The following SLC22A23 variants were observed in gnomAD, a reference collection of about 807,000 sequenced individuals.
SLC22A23 encodes the protein solute carrier family 22 member 23.
In SLC22A23, 26 loss-of-function variants were observed where a neutral mutation model predicts 61.0. The observed-to-expected ratio is 0.43, with a 90% confidence interval of 0.31 to 0.59. SLC22A23 has a LOEUF of 0.59. SLC22A23 is among the 20% of genes least tolerant of loss of function. SLC22A23 has a pLI of 0.11. For missense variants in SLC22A23, 796 were observed against 934.7 expected (o/e 0.85, Z 1.94); for synonymous variants, 430 against 413.9 (o/e 1.04, Z -0.47).
intron 4 of SLC22A23, among the ~76,000 whole-genome samples, chr6:3,307,735 A>G (rs1581662997): frequency 6.6e-6 from 1 of 152,340 alleles, no homozygotes; most frequent in East Asian, 1.9e-4. Flanking sequence ...ACTGTCGGTG[A>G]GTTACAGTGG....
At chr6:3,384,089 A>G (rs1429034911) in intron 3 of SLC22A23, among the ~76,000 whole-genome samples, 1 of 152,234 alleles carries the variant, frequency 6.6e-6, no homozygotes, top group Non-Finnish European at 1.5e-5. Context: ...CCAAAATTGC[A>G]TGAGGTGCTT....
At position 3,286,161 on chromosome 6, in the gene SLC22A23, C is replaced by T. The variant is rs1026589329; in HGVS notation, c.1546+698G>A. ...TCACCCAGGCTGGAGTGCAGTGCTG[C>T]GATCTCAGCTTACTGCAACCTCTGC... On this transcript the variant is annotated intron_variant, in intron 7 of 9. Transcript: ENST00000406686. The surrounding 1 kb of genome is among the most constrained non-coding windows in gnomAD (Gnocchi z 4.2). 3.0e-4 allele frequency among the ~76,000 whole-genome samples: 45 copies of T among 150,960 alleles called. No individual in the cohort carries two copies. Among genetic ancestry groups the T allele is most frequent in the South Asian group, 1.5e-3 (7 of 4,792 alleles).
intron 3 of SLC22A23, among the ~76,000 whole-genome samples, chr6:3,391,892 G>T (rs12181018): frequency 1.7e-3 from 254 of 151,990 alleles, no homozygotes; most frequent in African/African-American, 6.0e-3. Flanking sequence ...TTCAGGCAGA[G>T]GGAAAGGTGA....
intron 1 of SLC22A23, among the ~76,000 whole-genome samples, chr6:3,439,686 CT>C (rs1771462736): frequency 6.6e-6 from 1 of 152,160 alleles, no homozygotes; most frequent in South Asian, 2.1e-4. Context: ...GAGCAAAACC[CT>C]TTCGCCACCT....
At chr6:3,307,672 A>T (rs1762080365) in intron 4 of SLC22A23, among the ~76,000 whole-genome samples, 1 of 152,230 alleles carries the variant, frequency 6.6e-6, no homozygotes, top group Non-Finnish European at 1.5e-5. Flanking sequence ...CATGCTGAGC[A>T]CCTGCTGGGA....
At chr6:3,274,335 T>TC in intron 9 of SLC22A23, among the ~76,000 whole-genome samples, 1 of 152,140 alleles carries the variant, frequency 6.6e-6, no homozygotes, top group East Asian at 1.9e-4. Flanking sequence ...GGCTGCCTGG[T>TC]CCCCAGTTCT....
rs932446189 is a variant in SLC22A23, at chr6:3,271,190, A to G, written c.*1865T>C. On this transcript the variant is annotated 3_prime_UTR_variant, in exon 10 of 10. Transcript: ENST00000406686. Reference sequence around the variant, plus strand: ...AAGGCCTTTGTAAAGGTGAATGCAAACTAATGTTGAAACATGGAAATGTGA... The same window carrying G: ...AAGGCCTTTGTAAAGGTGAATGCAAGCTAATGTTGAAACATGGAAATGTGA... The G allele has an allele frequency of 3.9e-5, 6 of 152,292 alleles. No individual in the cohort carries two copies. Among genetic ancestry groups the G allele is most frequent in the Non-Finnish European group, 5.9e-5 (4 of 68,048 alleles). The allele number at this position is 152,292 out of a possible 1,614,324, so 9.4% of individuals were successfully genotyped here.
At chr6:3,341,183 T>G (rs1030222509) in intron 3 of SLC22A23, among the ~76,000 whole-genome samples, 3 of 152,194 alleles carry the variant, frequency 2.0e-5, no homozygotes, top group African/African-American at 7.2e-5. Context: ...AGAAGCTGTT[T>G]TGAGATTCAT....
intron 3 of SLC22A23, among the ~76,000 whole-genome samples, chr6:3,391,960 GC>G (rs1417865226): frequency 8.8e-4 from 134 of 152,268 alleles, no homozygotes; most frequent in African/African-American, 3.1e-3. Context: ...TGGACACAGT[GC>G]AAGATCAAAG....
At position 3,445,037 on chromosome 6, in the gene SLC22A23, C is replaced by T. The variant is rs183669492; in HGVS notation, c.654+10869G>A. On this transcript the variant is annotated intron_variant, in intron 1 of 9. Transcript: ENST00000406686. The stretch of plus-strand genomic sequence containing the variant: ...TTGCCAGGTACGTGGGGGTGGGGCA[C>T]GCTTCCCAGTGTTCTGCGTCTGTCC... 2.3e-5 allele frequency: 22 copies of T among 946,058 alleles called. No homozygotes were observed. The East Asian group carries it at 9.3e-4, about 40-fold the overall frequency. 58.6% of individuals were successfully genotyped at this position (946,058 alleles called of 1,614,324 possible).
intron 1 of SLC22A23, among the ~76,000 whole-genome samples, chr6:3,422,945 C>T (rs139684085): frequency 1.3e-3 from 203 of 152,266 alleles, no homozygotes; most frequent in African/African-American, 4.4e-3. Flanking sequence ...AGAGCCACAC[C>T]GTTAAAGCTG....
chr6:3,270,554 C>T lies in SLC22A23; in HGVS notation c.*2501G>A, dbSNP rs918138320. On this transcript the variant is annotated 3_prime_UTR_variant, in exon 10 of 10. Coordinates refer to ENST00000406686, the MANE Select transcript of SLC22A23 (RefSeq NM_015482.2). The stretch of plus-strand genomic sequence containing the variant: ...TGGGAGGAGAGCTGTGGGACCGCCT[C>T]GCCGGCTGAGAGCCATTACCTGCCG... 3 of 152,382 alleles carry T rather than the reference C, an allele frequency of 2.0e-5. No homozygotes were observed. Among genetic ancestry groups the T allele is most frequent in the African/African-American group, 7.2e-5 (3 of 41,462 alleles). The allele number at this position is 152,382 out of a possible 1,614,324, so 9.4% of individuals were successfully genotyped here. A position where few individuals can be genotyped will look rare whatever the true frequency, so the allele number is the denominator to read the frequency against.
Position 3,309,255 on chromosome 6 carries a change from C to T in SLC22A23, c.1083-11037G>A, listed in dbSNP as rs376427677. Among the ~76,000 whole-genome samples the T allele has an allele frequency of 5.3e-5, 8 of 152,112 alleles. No individual in the cohort carries two copies. In the East Asian group the frequency reaches 1.2e-3, roughly 22 times the overall value. On this transcript the variant is annotated intron_variant, in intron 4 of 9. Transcript: ENST00000406686. This position sits in a 1 kb window ranked among gnomAD's most constrained non-coding sequence, Gnocchi z 4.7. Reference sequence around the variant, plus strand: ...GGTTTGCAGTGGACCAAGGTCGTGCCGCTGCACTCTAGCCTGGGCAACAGA... The same window carrying T: ...GGTTTGCAGTGGACCAAGGTCGTGCTGCTGCACTCTAGCCTGGGCAACAGA...
At chr6:3,376,808 G>A (rs547045766) in intron 3 of SLC22A23, among the ~76,000 whole-genome samples, 2 of 152,310 alleles carry the variant, frequency 1.3e-5, no homozygotes, top group East Asian at 1.9e-4. Context: ...TTTGGGGAGT[G>A]AGGCTGGCCT....
intron 3 of SLC22A23, among the ~76,000 whole-genome samples, chr6:3,399,965 G>A (rs1768271568): frequency 1.3e-5 from 2 of 152,082 alleles, no homozygotes; most frequent in Admixed American, 6.5e-5. Flanking sequence ...TGCAACCTCC[G>A]CCTCCCAGGT....
intron 1 of SLC22A23, among the ~76,000 whole-genome samples, chr6:3,446,305 G>A (rs1561988953): frequency 6.6e-6 from 1 of 152,146 alleles, no homozygotes; most frequent in South Asian, 2.1e-4. Context: ...ACAAGCCAAT[G>A]GCCCTCCAGC....
chr6:3,374,083 C>T (rs1182353591), intron 3 of SLC22A23, among the ~76,000 whole-genome samples: 1 of 152,224 alleles, frequency 6.6e-6, no homozygotes, highest in Non-Finnish European at 1.5e-5. Context: ...ACTACTTAAC[C>T]ATTATATCAT....
chr6:3,396,671 G>A (rs1422797092), intron 3 of SLC22A23, among the ~76,000 whole-genome samples: 1 of 152,216 alleles, frequency 6.6e-6, no homozygotes, highest in South Asian at 2.1e-4. Context: ...TGAGAGGAAT[G>A]CCCCAGCAGG....
At chr6:3,379,042 GGA>G (rs1309478900) in intron 3 of SLC22A23, among the ~76,000 whole-genome samples, 1 of 152,132 alleles carries the variant, frequency 6.6e-6, no homozygotes, top group African/African-American at 2.4e-5. Flanking sequence ...TGTCTTTATG[GGA>G]GAGTTGTCTG....
Sources: allele counts gnomAD v4.1 joint callset (sites outside exome capture counted in the v4.1 genomes callset), GRCh38; gene constraint gnomAD v4.1.1; non-coding constraint Gnocchi (gnomAD v3.1); transcripts MANE v1.5; gene names NCBI Gene and HGNC (gene_info 2026-07-23, HGNC 2026-07-21).